Variants in CPA5 observed in about 807,000 individuals in gnomAD.
CPA5 encodes testicular tissue protein Li 32.
In CPA5, 38 loss-of-function variants were observed where a neutral mutation model predicts 52.2. The observed-to-expected ratio is 0.73, with a 90% CI of 0.56 to 0.95. The LOEUF is 0.95. CPA5 is among the 40% of genes least tolerant of loss of function. The pLI is 0.00. For synonymous variants in CPA5, 198 were observed against 213.7 expected (o/e 0.93, Z 0.64); for missense variants, 519 against 566.7 (o/e 0.92, Z 0.86).
chr7:130,367,328 C>G, intron 10 of CPA5, 44 bp from the exon 11 acceptor site: 1 of 1,565,828 alleles, frequency 6.4e-7, no homozygotes, highest in Non-Finnish European at 8.8e-7. Context: ...GTCTGTGTCG[C>G]ACGTGGGGAT....
Position 130,368,679 on chromosome 7 carries a change from C to G in CPA5, c.*82C>G. ...CGAAACCCAAGTTATGCATCCCCAT[C>G]CCCATGCCCTCATCCCGACCTCTTA... is the stretch of plus-strand genomic sequence containing the variant. On this transcript the variant is annotated 3_prime_UTR_variant, in exon 13 of 13. Transcript: ENST00000474905. The G allele has an allele frequency of 7.2e-7, 1 of 1,383,866 alleles. No individual in the cohort carries two copies. The highest frequency in any genetic ancestry group is 1.0e-6 in the Non-Finnish European group (1 of 986,644). 85.7% of individuals were successfully genotyped at this position (1,383,866 alleles called of 1,614,324 possible). A position where few individuals can be genotyped will look rare whatever the true frequency, so the allele number is the denominator to read the frequency against.
At chr7:130,359,382 G>C (rs1044094881) in intron 5 of CPA5, among the ~76,000 whole-genome samples, 5 of 152,208 alleles carry the variant, frequency 3.3e-5, no homozygotes, top group Non-Finnish European at 7.3e-5. Flanking sequence ...GATCATTTGG[G>C]AAATGGCAGC....
intron 9 of CPA5, among the ~76,000 whole-genome samples, 168 bp from the exon 10 acceptor site, chr7:130,363,251 G>T (rs1795892276): frequency 6.6e-6 from 1 of 152,182 alleles, no homozygotes; most frequent in Non-Finnish European, 1.5e-5. Context: ...TATCTGAGCT[G>T]CATCTTTGGC....
At position 130,367,569 on chromosome 7, in the gene CPA5, T is replaced by G; in HGVS notation, c.1036T>G (p.Leu346Val). 6.2e-7 allele frequency: 1 copy of G among 1,613,336 alleles called. No individual in the cohort carries two copies. The highest frequency in any genetic ancestry group is 8.5e-7 in the Non-Finnish European group (1 of 1,179,546). The change falls in exon 11 of 13, where the codon TTG (leucine) becomes GTG (valine). Residue 346 changes from leucine to valine, a missense_variant and splice_region_variant. Coordinates refer to ENST00000474905, the MANE Select transcript of CPA5 (RefSeq NM_080385.5). ...GGAGCCCGTTTCAAATCAGAGGGAG[T>G]TGGTGAGACTGGCTGCTTAGGGCCT... Reference protein sequence around the residue: ...LLEPVSNQRELYDLAKDAVEA... With the variant: ...LLEPVSNQREVYDLAKDAVEA...
At position 130,352,851 on chromosome 7, in the gene CPA5, A is replaced by T. The variant is rs1224093905; in HGVS notation, c.333+2742A>T. Among the ~76,000 whole-genome samples, 1,410 of 145,238 alleles carry T rather than the reference A, an allele frequency of 9.7e-3. 18 individuals carry two copies. Among genetic ancestry groups the T allele is most frequent in the African/African-American group, 0.03 (1,196 of 39,422 alleles). On this transcript the variant is annotated intron_variant, in intron 5 of 12. Transcript: ENST00000474905. Reference sequence around the variant, plus strand: ...TTTCAGCCCTTTGGTTTTTTTTTTTATTTTTTCCCTAGGATGAGTCACCAT... The same window carrying T: ...TTTCAGCCCTTTGGTTTTTTTTTTTTTTTTTTCCCTAGGATGAGTCACCAT...
chr7:130,370,785 T>C (rs1554409847), downstream of CPA5, among the ~76,000 whole-genome samples: 4 of 152,324 alleles, frequency 2.6e-5, no homozygotes, highest in African/African-American at 9.6e-5. Context: ...CAGACCGAAT[T>C]AGAATATCTG....
At chr7:130,360,831 C>T (rs1322766850) in intron 6 of CPA5, among the ~76,000 whole-genome samples, 2 of 152,176 alleles carry the variant, frequency 1.3e-5, no homozygotes, top group Non-Finnish European at 2.9e-5. Flanking sequence ...GAATTTCTAA[C>T]CAGAGAGAGC....
In CPA5 at chr7:130,364,912, C is replaced by T. The variant is rs143134646; in HGVS notation, c.838+1403C>T. 4.6e-3 allele frequency among the ~76,000 whole-genome samples: 707 copies of T among 152,318 alleles called. 5 individuals carry two copies. Among genetic ancestry groups the T allele is most frequent in the African/African-American group, 0.016 (648 of 41,568 alleles). On this transcript the variant is annotated intron_variant, in intron 10 of 12. Coordinates refer to ENST00000474905, the MANE Select transcript of CPA5 (RefSeq NM_080385.5). ...GATGGGCAGGACAATTTGATGGGTC[C>T]AGTCATGACAGAGATTCCAGAACAG...
At chr7:130,347,658 C>T (rs536532413) in intron 3 of CPA5, 108 bp from the exon 4 acceptor site, 15 of 897,952 alleles carry the variant, frequency 1.7e-5, no homozygotes, top group African/African-American at 3.3e-5. Context: ...CTGGCCTCCC[C>T]GCCTGGCCCT....
chr7:130,365,178 C>T (rs148043400), intron 10 of CPA5, among the ~76,000 whole-genome samples: 5 of 152,256 alleles, frequency 3.3e-5, no homozygotes, highest in African/African-American at 7.2e-5. Context: ...CTGGCCCTAG[C>T]GTGGGGGTTG....
At chr7:130,367,254 C>T in intron 10 of CPA5, 118 bp from the exon 11 acceptor site, 1 of 823,766 alleles carries the variant, frequency 1.2e-6, no homozygotes, top group South Asian at 1.6e-5. Flanking sequence ...AGTCACATGA[C>T]CTCAGTCATA....
intron 10 of CPA5, among the ~76,000 whole-genome samples, chr7:130,363,757 G>A (rs1554407522): frequency 6.6e-6 from 1 of 152,190 alleles, no homozygotes; most frequent in African/African-American, 2.4e-5. Context: ...ACAGTTAGGG[G>A]AGCCCCAGCT....
At chr7:130,355,315 A>G (rs1795413066) in intron 5 of CPA5, among the ~76,000 whole-genome samples, 1 of 152,126 alleles carries the variant, frequency 6.6e-6, no homozygotes. Context: ...CATAGCTAAC[A>G]TTCACTAGCA....
chr7:130,361,858 G>A (rs1795808912), intron 7 of CPA5, among the ~76,000 whole-genome samples: 1 of 152,220 alleles, frequency 6.6e-6, no homozygotes, highest in Non-Finnish European at 1.5e-5. Flanking sequence ...CAGCTGTCAG[G>A]AAGGGCAGGT....
intron 10 of CPA5, among the ~76,000 whole-genome samples, chr7:130,364,056 C>T (rs1000617180): frequency 5.3e-5 from 8 of 152,062 alleles, no homozygotes; most frequent in African/African-American, 1.4e-4. Context: ...GAGACAAGGT[C>T]TCACTCTGTC....
intron 2 of CPA5, 71 bp from the exon 3 acceptor site, chr7:130,346,322 T>C (rs1554402121): frequency 1.9e-6 from 1 of 533,452 alleles, no homozygotes; most frequent in African/African-American, 1.9e-5. Context: ...GGGGCAGCCC[T>C]AGCTCTCCCA....
rs977066605 is a variant in CPA5 at position 130,362,463 on chromosome 7, C to T, written c.560C>T (p.Pro187Leu). The T allele has an allele frequency of 2.5e-6, 4 of 1,613,164 alleles. No homozygotes were observed. In the South Asian group the frequency reaches 4.4e-5, roughly 18 times the overall value. The change falls in exon 8 of 13, where the codon CCA (proline) becomes CTA (leucine). Residue 187 changes from proline (P) to leucine (L), a missense_variant. Transcript: ENST00000474905. ...TTCAGCACTGGAGGTTCTCGGCACC[C>T]AGCCATCTGGATTGACACTGGAATT... ...LKFSTGGSRH[P>L]AIWIDTGIHS...
downstream of CPA5, among the ~76,000 whole-genome samples, chr7:130,373,390 A>T (rs1796312625): frequency 6.6e-6 from 1 of 152,110 alleles, no homozygotes; most frequent in South Asian, 2.1e-4. Context: ...GAAAAAAAGC[A>T]TTGGAAAAAC....
chr7:130,369,235 C>G (rs1383177392), downstream of CPA5, among the ~76,000 whole-genome samples: 1 of 152,144 alleles, frequency 6.6e-6, no homozygotes, highest in Non-Finnish European at 1.5e-5. Context: ...TCAGAGCCAG[C>G]ACATCAAAGC....
Sources: gnomAD v4.1 joint callset for allele counts (sites outside exome capture counted in the v4.1 genomes callset) on GRCh38, gnomAD v4.1.1 for gene constraint, MANE v1.5 for transcripts, NCBI Gene and HGNC (gene_info 2026-07-23, HGNC 2026-07-21) for gene names.